The following BAIAP2L1 variants were observed in gnomAD, a reference collection of about 807,000 sequenced individuals.
The protein encoded by BAIAP2L1 is BAR/IMD domain containing adaptor protein 2 like 1, also known as BAR/IMD domain-containing adapter protein 2-like 1.
BAIAP2L1 carries 35 observed loss-of-function variants against 66.3 expected under a neutral mutation model. The observed-to-expected ratio is 0.53, with a 90% CI of 0.40 to 0.70. BAIAP2L1 has a LOEUF of 0.70. Ranked by LOEUF, BAIAP2L1 falls within the 30% of genes least tolerant of loss-of-function variation. The pLI, the probability that BAIAP2L1 is intolerant of heterozygous loss-of-function variation, is 0.00. For synonymous variants in BAIAP2L1, 269 were observed against 248.7 expected (o/e 1.08, Z -0.77); for missense variants, 622 against 656.9 (o/e 0.95, Z 0.58).
chr7:98,295,310 C>T (rs1562961977), intron 12 of BAIAP2L1, among the ~76,000 whole-genome samples: 4 of 152,150 alleles, frequency 2.6e-5, no homozygotes, highest in African/African-American at 9.7e-5. Context: ...CCCCAGATCC[C>T]CTGGGCAGGG....
At chr7:98,382,776 C>A (rs1284019427) in intron 1 of BAIAP2L1, among the ~76,000 whole-genome samples, 3 of 152,170 alleles carry the variant, frequency 2.0e-5, no homozygotes, top group Non-Finnish European at 2.9e-5. Context: ...GATTGTGGAA[C>A]CCTGCCCCAG....
chr7:98,387,570 C>T lies in BAIAP2L1; in HGVS notation c.51+13232G>A, dbSNP rs117920432. On this transcript the variant is annotated intron_variant, in intron 1 of 13. Transcript: ENST00000005260. ...CCACCACGATAAGGGATTAAATAAACCTTCAAGGGCTGGATGCAGTGGCTC... is the reference window on the plus strand; with the variant it reads ...CCACCACGATAAGGGATTAAATAAATCTTCAAGGGCTGGATGCAGTGGCTC... Among the ~76,000 whole-genome samples, 748 of 152,188 alleles carry T rather than the reference C, an allele frequency of 4.9e-3. 11 individuals are homozygous for T. The highest frequency in any genetic ancestry group is 0.025 in the East Asian group (127 of 5,174).
intron 11 of BAIAP2L1, 133 bp downstream of exon 11, chr7:98,306,306 T>C (rs890332505): frequency 1.9e-6 from 2 of 1,077,688 alleles, no homozygotes; most frequent in Non-Finnish European, 2.8e-6. Context: ...TGAGCCGCGG[T>C]CTCATCTCTG....
intron 3 of BAIAP2L1, among the ~76,000 whole-genome samples, chr7:98,337,155 T>C (rs563989257): frequency 6.6e-6 from 1 of 151,838 alleles, no homozygotes; most frequent in Non-Finnish European, 1.5e-5. Context: ...GCAGCGCACG[T>C]GGGAAGTGCT....
intron 8 of BAIAP2L1, 125 bp from the exon 9 acceptor site, chr7:98,310,717 C>T (rs554038416): frequency 1.0e-5 from 8 of 774,530 alleles, no homozygotes; most frequent in African/African-American, 5.6e-5. Flanking sequence ...GACAGAGTCT[C>T]GCTGTGTTGC....
intron 7 of BAIAP2L1, 123 bp from the exon 8 acceptor site, chr7:98,312,387 G>A (rs1800906298): frequency 1.8e-6 from 2 of 1,085,060 alleles, no homozygotes; most frequent in African/African-American, 1.6e-5. Flanking sequence ...TGGGGGCCCT[G>A]GGTTAAACTC....
At chr7:98,342,561 G>C (rs533043776) in intron 3 of BAIAP2L1, among the ~76,000 whole-genome samples, 5 of 152,208 alleles carry the variant, frequency 3.3e-5, no homozygotes, top group African/African-American at 9.6e-5. Flanking sequence ...TCAGAAACTG[G>C]CCCAAACAAT....
intron 12 of BAIAP2L1, among the ~76,000 whole-genome samples, chr7:98,294,912 C>T (rs1195657668): frequency 1.3e-5 from 2 of 152,098 alleles, no homozygotes; most frequent in African/African-American, 4.8e-5. Flanking sequence ...CAGGTGTGTG[C>T]GCGCCTTCTT....
intron 3 of BAIAP2L1, among the ~76,000 whole-genome samples, chr7:98,334,332 T>G (rs911290451): frequency 2.6e-5 from 4 of 152,192 alleles, no homozygotes; most frequent in Admixed American, 2.6e-4. Flanking sequence ...AAGTCCAGCT[T>G]CATTGTAAAG....
Position 98,292,233 on chromosome 7 carries a change from C to A in BAIAP2L1, c.*1288G>T. The A allele has an allele frequency of 4.1e-6, 1 of 243,380 alleles. No homozygotes were observed. The highest frequency in any genetic ancestry group is 8.2e-6 in the Non-Finnish European group (1 of 121,686). 15.1% of individuals were successfully genotyped at this position (243,380 alleles called of 1,614,324 possible). ...TAAAGGAGAGGGGATAAGTCACAGC[C>A]CCAGCACCCAGCAACACACACGGTG... On this transcript the variant is annotated 3_prime_UTR_variant, in exon 14 of 14. Transcript: ENST00000005260.
chr7:98,395,757 C>T (rs1803190958), intron 1 of BAIAP2L1, among the ~76,000 whole-genome samples: 1 of 152,104 alleles, frequency 6.6e-6, no homozygotes, highest in East Asian at 1.9e-4. Flanking sequence ...ATTATTACAG[C>T]TTTGAATACA....
intron 9 of BAIAP2L1, chr7:98,308,418 A>T (rs1413350173): frequency 2.5e-6 from 1 of 393,410 alleles, no homozygotes; most frequent in African/African-American, 2.1e-5. Flanking sequence ...TTCCATTTAC[A>T]GAGTCCTCAC....
intron 1 of BAIAP2L1, among the ~76,000 whole-genome samples, chr7:98,395,717 C>T (rs995968746): frequency 3.3e-5 from 5 of 152,088 alleles, no homozygotes; most frequent in African/African-American, 1.2e-4. Flanking sequence ...GCTTTTATAA[C>T]TTATTTTTAA....
intron 3 of BAIAP2L1, among the ~76,000 whole-genome samples, chr7:98,344,599 C>T (rs1016934839): frequency 1.3e-5 from 2 of 152,126 alleles, no homozygotes; most frequent in South Asian, 2.1e-4. Flanking sequence ...ATTTTAGATA[C>T]TAACTTGCAA....
chr7:98,372,738 T>G (rs1294566709), intron 1 of BAIAP2L1, among the ~76,000 whole-genome samples: 2 of 141,620 alleles, frequency 1.4e-5, no homozygotes, highest in Non-Finnish European at 3.1e-5. Flanking sequence ...TTTTGGTTTT[T>G]TTTTTTTTTT....
In BAIAP2L1 at chr7:98,348,183, C is replaced by T. The variant is rs566978866; in HGVS notation, c.214+6859G>A. Among the ~76,000 whole-genome samples the T allele has an allele frequency of 5.5e-4, 83 of 152,038 alleles. 2 individuals are homozygous for T. In the South Asian group the frequency reaches 0.017, roughly 32 times the overall value. ...GAATAAAAGAGTCATTTCAAAGATA[C>T]ATGAAAGAGAGTAAAGGAGAGACCA... On this transcript the variant is annotated intron_variant, in intron 3 of 13. Coordinates refer to ENST00000005260, the MANE Select transcript of BAIAP2L1 (RefSeq NM_018842.5).
Position 98,292,789 on chromosome 7 carries a change from C to A in BAIAP2L1, c.*732G>T. On this transcript the variant is annotated 3_prime_UTR_variant, in exon 14 of 14. Transcript: ENST00000005260. ...TGAGTGAGAACACAAGGAGCCGTGA[C>A]TCCGACGCCCAGGCCTGTGTCCTGG... The A allele has an allele frequency of 6.5e-7, 1 of 1,543,158 alleles. No individual in the cohort carries two copies. The highest frequency in any genetic ancestry group is 8.8e-7 in the Non-Finnish European group (1 of 1,141,896).
At chr7:98,303,404 C>G (rs1800506336) in intron 12 of BAIAP2L1, among the ~76,000 whole-genome samples, 1 of 152,232 alleles carries the variant, frequency 6.6e-6, no homozygotes. Context: ...GGTCTCACAC[C>G]AGGGCGCACT....
chr7:98,314,773 G>T (rs377587180), intron 7 of BAIAP2L1, among the ~76,000 whole-genome samples: 1 of 152,158 alleles, frequency 6.6e-6, no homozygotes, highest in Non-Finnish European at 1.5e-5. Context: ...TCGCCCAGGT[G>T]GGGTAGACCT....
Sources: allele counts gnomAD v4.1 joint callset (sites outside exome capture counted in the v4.1 genomes callset), GRCh38; gene constraint gnomAD v4.1.1; transcripts MANE v1.5; gene names NCBI Gene and HGNC (gene_info 2026-07-23, HGNC 2026-07-21).